SLCO1B1: variants seen among roughly 807,000 people sequenced by gnomAD.
The protein encoded by SLCO1B1 is solute carrier organic anion transporter family member 1B1.
Under a neutral mutation model 70.1 loss-of-function variants are expected in SLCO1B1, and 81 were observed. The observed-to-expected ratio is 1.16, with a 90% CI of 0.97 to 1.39. The LOEUF is 1.39. Ranked by LOEUF, SLCO1B1 falls within the 40% of genes most tolerant of loss-of-function variation. The probability of loss-of-function intolerance (pLI) is 0.00; values close to 1 mark genes in which losing one functional copy is unlikely to be tolerated. For missense variants in SLCO1B1, 895 were observed against 799.6 expected (o/e 1.12, Z -1.44); for synonymous variants, 283 against 271.5 (o/e 1.04, Z -0.42).
At chr12:21,206,138 A>C in intron 11 of SLCO1B1, 105 bp downstream of exon 11, 2 of 971,076 alleles carry the variant, frequency 2.1e-6, no homozygotes, top group East Asian at 5.0e-5. Flanking sequence ...TAAAAAGATA[A>C]AAGAGAAAGT....
intron 7 of SLCO1B1, among the ~76,000 whole-genome samples, chr12:21,187,364 C>T (rs1031173315): frequency 6.6e-6 from 1 of 152,068 alleles, no homozygotes; most frequent in African/African-American, 2.4e-5. Context: ...ATGCCTTGTT[C>T]CTGAAGACAG....
chr12:21,216,136 A>T (rs1941354975), intron 11 of SLCO1B1, among the ~76,000 whole-genome samples: 1 of 152,108 alleles, frequency 6.6e-6, no homozygotes, highest in African/African-American at 2.4e-5. Context: ...TTTATTATTT[A>T]TTTATTTGTG....
chr12:21,225,814 A>G (rs1468968659), intron 14 of SLCO1B1, among the ~76,000 whole-genome samples: 1 of 152,202 alleles, frequency 6.6e-6, no homozygotes, highest in Non-Finnish European at 1.5e-5. Flanking sequence ...AAAAAATAGT[A>G]CAGCCATGGT....
chr12:21,174,686 T>C lies in SLCO1B1; in HGVS notation c.336T>C (p.Ala112=). 1.2e-6 allele frequency: 2 copies of C among 1,612,424 alleles called. No individual in the cohort carries two copies. Among genetic ancestry groups the C allele is most frequent in the Non-Finnish European group, 1.7e-6 (2 of 1,179,570 alleles). The change falls in exon 4 of 15, where the codon GCT becomes GCC. Residue 112 remains alanine, a synonymous_variant. Transcript: ENST00000256958. ...FIMGIGGVLT[A]LPHFFMGYYR... The stretch of plus-strand genomic sequence containing the variant: ...TGGGAATTGGAGGTGTTTTGACTGC[T>C]TTGCCACATTTCTTCATGGGATAGT...
intron 14 of SLCO1B1, among the ~76,000 whole-genome samples, chr12:21,233,571 C>CAACAA (rs934228658): frequency 7.3e-6 from 1 of 137,618 alleles, no homozygotes; most frequent in Non-Finnish European, 1.6e-5. Context: ...AACAAACAAA[C>CAACAA]AAAAAAAAAA....
intron 11 of SLCO1B1, among the ~76,000 whole-genome samples, chr12:21,212,536 T>G (rs567978600): frequency 0.11 from 14,486 of 131,046 alleles, 1,027 homozygotes; most frequent in Non-Finnish European, 0.17. Flanking sequence ...AAAATGTATA[T>G]TCTGTTGATT....
intron 11 of SLCO1B1, among the ~76,000 whole-genome samples, chr12:21,213,316 G>A (rs200867153): frequency 0.1 from 15,727 of 151,454 alleles, 1,530 homozygotes; most frequent in East Asian, 0.27. Context: ...TTTCTCCTTC[G>A]CTTATGAAGC....
intron 7 of SLCO1B1, among the ~76,000 whole-genome samples, chr12:21,179,243 A>T (rs1332685309): frequency 1.3e-5 from 2 of 152,212 alleles, no homozygotes; most frequent in Non-Finnish European, 2.9e-5. Flanking sequence ...GAATGTAAAC[A>T]AATTTATTTT....
chr12:21,168,953 GA>G (rs1940725768), intron 2 of SLCO1B1, among the ~76,000 whole-genome samples: 1 of 151,422 alleles, frequency 6.6e-6, no homozygotes, highest in Non-Finnish European at 1.5e-5. Context: ...TTGCCAAATT[GA>G]ATGTCCTGAA....
At chr12:21,230,381 A>C (rs1172935785) in intron 14 of SLCO1B1, among the ~76,000 whole-genome samples, 1 of 117,140 alleles carries the variant, frequency 8.5e-6, no homozygotes, top group Admixed American at 1.2e-4. Context: ...CCCAGGCTGG[A>C]GGGCAATGGT....
chr12:21,185,175 C>T (rs1591812900), intron 7 of SLCO1B1, among the ~76,000 whole-genome samples: 1 of 151,252 alleles, frequency 6.6e-6, no homozygotes, highest in East Asian at 1.9e-4. Flanking sequence ...TGGAAGACTT[C>T]AACAACTCAC....
intron 7 of SLCO1B1, among the ~76,000 whole-genome samples, chr12:21,185,261 C>A (rs1044687130): frequency 2.0e-5 from 3 of 152,018 alleles, no homozygotes; most frequent in African/African-American, 7.2e-5. Context: ...CCAACTGGAT[C>A]CAAAAACATC....
intron 7 of SLCO1B1, among the ~76,000 whole-genome samples, chr12:21,183,533 TGA>T (rs1180662199): frequency 2.9e-4 from 44 of 152,318 alleles, no homozygotes; most frequent in African/African-American, 1.0e-3. Flanking sequence ...CATATGAAAC[TGA>T]GAGCAAGAAT....
Position 21,136,178 on chromosome 12 carries a change from T to C in SLCO1B1, c.-62+4942T>C, listed in dbSNP as rs1406955971. 2.6e-5 allele frequency among the ~76,000 whole-genome samples: 4 copies of C among 152,196 alleles called. No individual in the cohort carries two copies. In the South Asian group the frequency reaches 6.2e-4, roughly 24 times the overall value. On this transcript the variant is annotated intron_variant, in intron 1 of 14. Coordinates refer to ENST00000256958, the MANE Select transcript of SLCO1B1 (RefSeq NM_006446.5). The stretch of plus-strand genomic sequence containing the variant: ...TTGGTCCCCACTCTCTTCTGGCTTG[T>C]AGAGTTTCTGCCGAGAGATCAGCTG...
intron 5 of SLCO1B1, among the ~76,000 whole-genome samples, chr12:21,177,632 A>G (rs998198538): frequency 6.6e-6 from 1 of 152,118 alleles, no homozygotes; most frequent in Admixed American, 6.6e-5. Context: ...ATATATGTTA[A>G]GAACAAAAAT....
intron 2 of SLCO1B1, among the ~76,000 whole-genome samples, chr12:21,162,984 GT>G (rs1940640301): frequency 6.6e-6 from 1 of 152,004 alleles, no homozygotes; most frequent in African/African-American, 2.4e-5. Context: ...TTTTATCTAT[GT>G]TATCAAATAT....
chr12:21,133,362 T>A (rs1940169176), intron 1 of SLCO1B1, among the ~76,000 whole-genome samples: 1 of 152,216 alleles, frequency 6.6e-6, no homozygotes, highest in African/African-American at 2.4e-5. Flanking sequence ...TTTCCAATTC[T>A]GTGAAGAAAG....
chr12:21,198,525 G>C (rs1291807414), intron 8 of SLCO1B1, among the ~76,000 whole-genome samples: 1 of 152,058 alleles, frequency 6.6e-6, no homozygotes, highest in African/African-American at 2.4e-5. Flanking sequence ...GGATAATGAA[G>C]TTGTAAAAAT....
chr12:21,198,982 G>T (rs1292429725), intron 8 of SLCO1B1, among the ~76,000 whole-genome samples: 2 of 151,986 alleles, frequency 1.3e-5, no homozygotes, highest in Non-Finnish European at 2.9e-5. Flanking sequence ...TACAAATCAG[G>T]GATGGTTTTT....
Sources: gnomAD v4.1 joint callset for allele counts (sites outside exome capture counted in the v4.1 genomes callset) on GRCh38, gnomAD v4.1.1 for gene constraint, MANE v1.5 for transcripts, NCBI Gene and HGNC (gene_info 2026-07-23, HGNC 2026-07-21) for gene names.